DHTKD1: variants seen among roughly 807,000 people sequenced by gnomAD.
The protein encoded by DHTKD1 is 2-oxoadipate dehydrogenase complex component E1.
DHTKD1 carries 78 observed loss-of-function variants against 101.8 expected under a neutral mutation model. The observed-to-expected ratio is 0.77, with a 90% CI of 0.64 to 0.93. DHTKD1 has a LOEUF of 0.93. Among genes scored for constraint, DHTKD1 ranks in the 40% least tolerant of loss-of-function variants. The pLI is 0.00. For missense variants in DHTKD1, 1,223 were observed against 1,161.7 expected (o/e 1.05, Z -0.77); for synonymous variants, 462 against 450.3 (o/e 1.03, Z -0.33).
At chr10:12,117,056 G>A (rs1385644938) in intron 13 of DHTKD1, among the ~76,000 whole-genome samples, 1 of 151,728 alleles carries the variant, frequency 6.6e-6, no homozygotes, top group Non-Finnish European at 1.5e-5. Context: ...AGGCTGGAGT[G>A]CAATGGTGCG....
intron 5 of DHTKD1, among the ~76,000 whole-genome samples, chr10:12,090,154 A>G (rs1003265415): frequency 6.6e-6 from 1 of 152,128 alleles, no homozygotes; most frequent in Non-Finnish European, 1.5e-5. Flanking sequence ...TTTAAATATG[A>G]ACCTTTAACT....
intron 6 of DHTKD1, 130 bp from the exon 7 acceptor site, chr10:12,093,943 G>C (rs1183976301): frequency 1.3e-6 from 1 of 765,198 alleles, no homozygotes; most frequent in Non-Finnish European, 2.2e-6. Context: ...TCCAAAGCTG[G>C]GGTTGTTAAC....
chr10:12,111,026 A>G (rs1833321324), intron 12 of DHTKD1, among the ~76,000 whole-genome samples: 1 of 146,052 alleles, frequency 6.8e-6, no homozygotes, highest in African/African-American at 2.5e-5. Context: ...AGCCTGGGCA[A>G]GAGAGCCAGA....
intron 2 of DHTKD1, among the ~76,000 whole-genome samples, chr10:12,082,991 A>T (rs1477386887): frequency 5.9e-5 from 9 of 152,028 alleles, no homozygotes; most frequent in Non-Finnish European, 1.3e-4. Context: ...TAACAAAAAA[A>T]TTAGCTGAGT....
intron 2 of DHTKD1, among the ~76,000 whole-genome samples, chr10:12,083,578 TAAA>T (rs962084736): frequency 4.6e-5 from 7 of 151,938 alleles, no homozygotes; most frequent in Non-Finnish European, 1.0e-4. Context: ...ATACTAAAAA[TAAA>T]AAATTAGCCA....
In DHTKD1 at chr10:12,106,358, A is replaced by G. The variant is rs762399216; in HGVS notation, c.2009A>G (p.Asn670Ser). 40 of 1,614,082 alleles carry G rather than the reference A, an allele frequency of 2.5e-5. No individual in the cohort carries two copies. The highest frequency in any genetic ancestry group is 3.3e-4 in the Middle Eastern group (2 of 6,082). ...GAGGCACAGTTTGGCGATTTCTTCA[A>G]TGGTGCCCAGATCATCTTTGACACA... Reference protein sequence around the residue: ...LWEAQFGDFFNGAQIIFDTFI... With the variant: ...LWEAQFGDFFSGAQIIFDTFI... The change falls in exon 11 of 17, where the codon AAT becomes AGT. Residue 670 changes from asparagine to serine, a missense_variant. Physicochemically the swap from Asn to Ser is conservative, Grantham distance 46. Transcript: ENST00000263035.
intron 1 of DHTKD1, among the ~76,000 whole-genome samples, chr10:12,078,295 C>T (rs1004807628): frequency 2.0e-5 from 3 of 151,936 alleles, no homozygotes; most frequent in Non-Finnish European, 2.9e-5. Flanking sequence ...TGTGGTGGCA[C>T]GTGCCTGTAA....
chr10:12,102,422 C>CAAAAA (rs752816882), intron 10 of DHTKD1, among the ~76,000 whole-genome samples: 2 of 64,820 alleles, frequency 3.1e-5, no homozygotes, highest in African/African-American at 6.1e-5. Flanking sequence ...GACTCTGTCT[C>CAAAAA]AAAAAAAAAA....
In DHTKD1 at chr10:12,103,044, G is replaced by A. The variant is rs1833195378; in HGVS notation, c.1896+1863G>A. ...TCAACACTGGCCTGGCCAACATGGC[G>A]AAACCCTGTCTCTACTAAAAATACA... is the stretch of plus-strand genomic sequence containing the variant. On this transcript the variant is annotated intron_variant, in intron 10 of 16. Coordinates refer to ENST00000263035, the MANE Select transcript of DHTKD1 (RefSeq NM_018706.7). The surrounding 1 kb of genome is among the most constrained non-coding windows in gnomAD (Gnocchi z 4.8). Among the ~76,000 whole-genome samples the A allele has an allele frequency of 6.6e-6, 1 of 152,166 alleles. No individual in the cohort carries two copies. Among genetic ancestry groups the A allele is most frequent in the African/African-American group, 2.4e-5 (1 of 41,454 alleles).
At chr10:12,118,537 T>C (rs535410510) in intron 14 of DHTKD1, among the ~76,000 whole-genome samples, 58 of 152,052 alleles carry the variant, frequency 3.8e-4, no homozygotes, top group East Asian at 7.8e-4. Context: ...TGCCCGCCAG[T>C]ACGCCCGGCT....
rs989336648 is a variant in DHTKD1, at chr10:12,107,208, G to A, written c.2048-701G>A. Among the ~76,000 whole-genome samples, 9 of 151,870 alleles carry A rather than the reference G, an allele frequency of 5.9e-5. No homozygotes were observed. Among genetic ancestry groups the A allele is most frequent in the Non-Finnish European group, 8.8e-5 (6 of 67,944 alleles). On this transcript the variant is annotated intron_variant, in intron 11 of 16. Transcript: ENST00000263035. The surrounding 1 kb of genome is among the most constrained non-coding windows in gnomAD (Gnocchi z 4.1). ...TCACCGTGTCAGCCGGGATGGTCTCGTTCTCCTGACCTCATGATCCACCCA... is the reference window on the plus strand; with the variant it reads ...TCACCGTGTCAGCCGGGATGGTCTCATTCTCCTGACCTCATGATCCACCCA...
In DHTKD1 at chr10:12,122,731, C is replaced by G. The variant is rs1342261144; in HGVS notation, c.*1843C>G. On this transcript the variant is annotated 3_prime_UTR_variant, in exon 17 of 17. Transcript: ENST00000263035. The stretch of plus-strand genomic sequence containing the variant: ...TGGGGATTTCTTAGAGATCACCAAC[C>G]GACTCCCTCACTGTGAAATTAAACC... 1 of 152,116 alleles carries G rather than the reference C, an allele frequency of 6.6e-6. No individual in the cohort carries two copies. Among genetic ancestry groups the G allele is most frequent in the Non-Finnish European group, 1.5e-5 (1 of 68,028 alleles). 9.4% of individuals were successfully genotyped at this position (152,116 alleles called of 1,614,324 possible).
chr10:12,112,091 G>C (rs557593240), intron 12 of DHTKD1, among the ~76,000 whole-genome samples: 17 of 152,164 alleles, frequency 1.1e-4, no homozygotes, highest in African/African-American at 3.9e-4. Flanking sequence ...GAGGCGGGAG[G>C]ATCGCTTGAA....
Position 12,100,204 on chromosome 10 carries a change from A to G in DHTKD1, c.1698A>G (p.Gly566=). ...VQSRMEKMMD[G]IKLDWATAEA... is the part of the protein sequence containing the mutation. ...CCAGAATGGAGAAGATGATGGACGGAATCAAGCTAGACTGGGCCACCGCGG... is the reference window on the plus strand; with the variant it reads ...CCAGAATGGAGAAGATGATGGACGGGATCAAGCTAGACTGGGCCACCGCGG... Residue 566 remains glycine, a synonymous_variant, in exon 9 of 17, where the codon GGA becomes GGG. Transcript: ENST00000263035. The G allele has an allele frequency of 6.3e-7, 1 of 1,595,706 alleles. No homozygotes were observed. Among genetic ancestry groups the G allele is most frequent in the Non-Finnish European group, 8.5e-7 (1 of 1,170,664 alleles).
Position 12,101,181 on chromosome 10 carries a change from G to A in DHTKD1, c.1896G>A (p.Glu632=). The A allele has an allele frequency of 6.2e-7, 1 of 1,610,762 alleles. No individual in the cohort carries two copies. Among genetic ancestry groups the A allele is most frequent in the Non-Finnish European group, 8.5e-7 (1 of 1,179,066 alleles). ...HMDPNQKGFL[E]VSNSPLSEEA... ...ACCCAAATCAGAAGGGGTTTCTAGA[G>A]GTGAGATGTTTCTATAGCTGTTGTA... The change falls in exon 10 of 17, where the codon GAG becomes GAA. Residue 632 remains glutamate (E), a splice_region_variant and synonymous_variant. Transcript: ENST00000263035.
intron 7 of DHTKD1, 70 bp downstream of exon 7, chr10:12,094,341 G>A (rs1564393092): frequency 1.4e-6 from 2 of 1,402,480 alleles, no homozygotes; most frequent in Non-Finnish European, 1.0e-6. Flanking sequence ...CTTTTGAGAT[G>A]GAGTCTTGCT....
At position 12,087,480 on chromosome 10, in the gene DHTKD1, C is replaced by T; in HGVS notation, c.523-55C>T. 1.3e-6 allele frequency: 2 copies of T among 1,491,604 alleles called. No individual in the cohort carries two copies. The highest frequency in any genetic ancestry group is 1.8e-6 in the Non-Finnish European group (2 of 1,099,820). 92.4% of individuals were successfully genotyped at this position (1,491,604 alleles called of 1,614,324 possible). On this transcript the variant is annotated intron_variant, in intron 3 of 16. Coordinates refer to ENST00000263035, the MANE Select transcript of DHTKD1 (RefSeq NM_018706.7). The surrounding 1 kb of genome is among the most constrained non-coding windows in gnomAD (Gnocchi z 5.2). ...AACACACACAGACTTATCTGCCTTC[C>T]ACTGGAGAAGCTGGCTGTCTCCTGG...
rs762234065 is a variant in DHTKD1, at chr10:12,068,987, C to T, written c.-47C>T. 1.2e-6 allele frequency: 2 copies of T among 1,607,112 alleles called. No homozygotes were observed. Among genetic ancestry groups the T allele is most frequent in the African/African-American group, 1.3e-5 (1 of 74,674 alleles). The stretch of plus-strand genomic sequence containing the variant: ...CCGGATTTACCAGGGCCGGTGGGAT[C>T]CCCTCGGGCTCCCGCCTTAGCATGC... On this transcript the variant is annotated 5_prime_UTR_variant, in exon 1 of 17. Coordinates refer to ENST00000263035, the MANE Select transcript of DHTKD1 (RefSeq NM_018706.7).
rs537984120 is a variant in DHTKD1, at chr10:12,079,208, T to A, written c.155-2264T>A. ...GGGTTCAAGCTCCTCCCTCAGCCTCTTGGGTAGTTGGGATTATAGGTGTGC... is the reference window on the plus strand; with the variant it reads ...GGGTTCAAGCTCCTCCCTCAGCCTCATGGGTAGTTGGGATTATAGGTGTGC... On this transcript the variant is annotated intron_variant, in intron 1 of 16. Transcript: ENST00000263035. 2.0e-5 allele frequency among the ~76,000 whole-genome samples: 3 copies of A among 152,268 alleles called. 1 individual carries two copies. In the South Asian group the frequency reaches 6.2e-4, roughly 32 times the overall value.
Sources: gnomAD v4.1 joint callset for allele counts (sites outside exome capture counted in the v4.1 genomes callset) on GRCh38, gnomAD v4.1.1 for gene constraint, Gnocchi (gnomAD v3.1) non-coding constraint, MANE v1.5 for transcripts, NCBI Gene and HGNC (gene_info 2026-07-23, HGNC 2026-07-21) for gene names.